The following ARNT2 variants were observed in gnomAD, a reference collection of about 807,000 sequenced individuals.
ARNT2 encodes aryl hydrocarbon receptor nuclear translocator 2, also known as ARNT protein 2.
Under a neutral mutation model 91.7 loss-of-function variants are expected in ARNT2, and 36 were observed. The observed-to-expected ratio is 0.39, with a 90% CI of 0.30 to 0.52. The LOEUF (loss-of-function observed/expected upper bound fraction) is 0.52, where lower values mean the gene tolerates loss of function less well. Ranked by LOEUF, ARNT2 falls within the 20% of genes least tolerant of loss-of-function variation. The pLI, the probability that ARNT2 is intolerant of heterozygous loss-of-function variation, is 0.72. For synonymous variants in ARNT2, 365 were observed against 347.1 expected (o/e 1.05, Z -0.57); for missense variants, 775 against 939.3 (o/e 0.83, Z 2.29).
chr15:80,533,293 A>T (rs1897767967), intron 8 of ARNT2, among the ~76,000 whole-genome samples: 1 of 152,148 alleles, frequency 6.6e-6, no homozygotes, highest in African/African-American at 2.4e-5. Flanking sequence ...TACAGGGAAG[A>T]GTGTGGAGCA....
At chr15:80,542,866 C>A (rs929400343) in intron 8 of ARNT2, among the ~76,000 whole-genome samples, 1 of 151,960 alleles carries the variant, frequency 6.6e-6, no homozygotes, top group Admixed American at 6.6e-5. Context: ...GGCATTGATT[C>A]CTGATTCCTA....
At chr15:80,519,326 T>C (rs1897495757) in intron 8 of ARNT2, among the ~76,000 whole-genome samples, 1 of 152,172 alleles carries the variant, frequency 6.6e-6, no homozygotes, top group East Asian at 1.9e-4. Flanking sequence ...AGGAATACAT[T>C]TTTAAAAGGT....
At chr15:80,425,855 C>T (rs924821597) in intron 1 of ARNT2, among the ~76,000 whole-genome samples, 1 of 152,122 alleles carries the variant, frequency 6.6e-6, no homozygotes, top group African/African-American at 2.4e-5. Flanking sequence ...CGAGACCAGC[C>T]TGGGCAACAT....
intron 15 of ARNT2, among the ~76,000 whole-genome samples, chr15:80,577,756 A>C (rs1898704953): frequency 1.3e-5 from 2 of 152,354 alleles, no homozygotes; most frequent in Admixed American, 1.3e-4. Context: ...GGACTGCCCT[A>C]GCCACAAGGA....
chr15:80,513,787 C>CT (rs1566990882), intron 6 of ARNT2, 124 bp from the exon 7 acceptor site: 2 of 711,588 alleles, frequency 2.8e-6, no homozygotes, highest in Non-Finnish European at 4.8e-6. Flanking sequence ...AGAAAATTGG[C>CT]TATAGGCGTC....
chr15:80,554,169 G>A (rs771230302), intron 10 of ARNT2, among the ~76,000 whole-genome samples: 15 of 152,210 alleles, frequency 9.9e-5, no homozygotes, highest in Non-Finnish European at 2.2e-4. Flanking sequence ...AGCACTTTGG[G>A]GGGCCAAGGC....
At position 80,564,155 on chromosome 15, in the gene ARNT2, C is replaced by T. The variant is rs117755748; in HGVS notation, c.1316+916C>T. On this transcript the variant is annotated intron_variant, in intron 12 of 18. Coordinates refer to ENST00000303329, the MANE Select transcript of ARNT2 (RefSeq NM_014862.4). ...TCCGGAGAACTGTCCCCATGTCTCA[C>T]CATCGTAGTCAGTGGCACCAGCATC... is the stretch of plus-strand genomic sequence containing the variant. 5.1e-4 allele frequency among the ~76,000 whole-genome samples: 77 copies of T among 152,284 alleles called. 1 individual carries two copies. The East Asian group carries it at 0.014, about 27-fold the overall frequency.
chr15:80,464,292 G>A (rs549446054), intron 3 of ARNT2, among the ~76,000 whole-genome samples: 11 of 149,198 alleles, frequency 7.4e-5, no homozygotes, highest in African/African-American at 2.7e-4. Flanking sequence ...CTCCTCTGGG[G>A]AAAGGAGATA....
At chr15:80,473,357 A>T (rs1302234682) in intron 4 of ARNT2, among the ~76,000 whole-genome samples, 2 of 152,166 alleles carry the variant, frequency 1.3e-5, no homozygotes, top group African/African-American at 4.8e-5. Context: ...TGATGCGAGC[A>T]GGGCTTCATC....
chr15:80,555,660 T>G (rs1320161243), intron 11 of ARNT2: 2 of 152,860 alleles, frequency 1.3e-5, no homozygotes, highest in African/African-American at 4.8e-5. Flanking sequence ...ACATGGATTC[T>G]CTCCTCAGTC....
At chr15:80,410,804 CTAT>C (rs1895671145) in intron 1 of ARNT2, among the ~76,000 whole-genome samples, 1 of 138,382 alleles carries the variant, frequency 7.2e-6, no homozygotes, top group East Asian at 2.1e-4. Flanking sequence ...ATCTATCTAT[CTAT>C]CTATCATCTA....
At chr15:80,468,648 A>G (rs1021667264) in intron 3 of ARNT2, among the ~76,000 whole-genome samples, 2 of 119,542 alleles carry the variant, frequency 1.7e-5, no homozygotes, top group African/African-American at 6.7e-5. Flanking sequence ...CCTCTTCGCT[A>G]TATCGTTCTC....
intron 3 of ARNT2, among the ~76,000 whole-genome samples, chr15:80,467,704 C>G (rs936789534): frequency 6.6e-6 from 1 of 152,194 alleles, no homozygotes; most frequent in Non-Finnish European, 1.5e-5. Flanking sequence ...TGTGTTCCGT[C>G]CACCCCATCG....
intron 8 of ARNT2, among the ~76,000 whole-genome samples, chr15:80,520,754 GA>G (rs1403393267): frequency 3.9e-5 from 6 of 152,116 alleles, no homozygotes; most frequent in Non-Finnish European, 7.4e-5. Context: ...TAAAGCTAGG[GA>G]AAAAAATCTG....
At chr15:80,418,297 G>C (rs1460266398) in intron 1 of ARNT2, among the ~76,000 whole-genome samples, 1 of 152,186 alleles carries the variant, frequency 6.6e-6, no homozygotes, top group Non-Finnish European at 1.5e-5. Context: ...ACTGCGGGAA[G>C]AGCCTCTAGG....
chr15:80,492,456 A>C (rs1897070208), intron 5 of ARNT2, among the ~76,000 whole-genome samples: 1 of 152,112 alleles, frequency 6.6e-6, no homozygotes, highest in African/African-American at 2.4e-5. Context: ...ATGTGTAAGA[A>C]CTATTCTATA....
chr15:80,406,130 TC>T, intron 1 of ARNT2, among the ~76,000 whole-genome samples: 1 of 152,220 alleles, frequency 6.6e-6, no homozygotes, highest in Non-Finnish European at 1.5e-5. Flanking sequence ...GTAGAAGAGT[TC>T]CAGATTTGGC....
chr15:80,582,951 G>A (rs980190298), intron 17 of ARNT2, among the ~76,000 whole-genome samples: 5 of 152,114 alleles, frequency 3.3e-5, no homozygotes, highest in East Asian at 1.9e-4. Context: ...CCTGAAGGTG[G>A]GCCTCATAGA....
At chr15:80,554,778 C>T in intron 10 of ARNT2, 1 of 303,854 alleles carries the variant, frequency 3.3e-6, no homozygotes, top group Non-Finnish European at 6.2e-6. Flanking sequence ...TTTGCCTCTC[C>T]AAGACAAACA....
Sources: gnomAD v4.1 joint callset for allele counts (sites outside exome capture counted in the v4.1 genomes callset) on GRCh38, gnomAD v4.1.1 for gene constraint, MANE v1.5 for transcripts, NCBI Gene and HGNC (gene_info 2026-07-23, HGNC 2026-07-21) for gene names.